The following RBFOX1 variants were observed in gnomAD, a reference collection of about 807,000 sequenced individuals.
RBFOX1 encodes RNA binding protein fox-1 homolog 1.
Under a neutral mutation model 57.7 loss-of-function variants are expected in RBFOX1, and 8 were observed. The observed-to-expected ratio is 0.14, with a 90% CI of 0.08 to 0.25. The LOEUF is 0.25. Among genes scored for constraint, RBFOX1 ranks in the 10% least tolerant of loss-of-function variants. RBFOX1 has a pLI of 1.00. For synonymous variants in RBFOX1, 326 were observed against 222.4 expected, an observed-to-expected ratio of 1.47 and a Z score of -4.15; for missense variants, 611 against 548.5, an observed-to-expected ratio of 1.11 and a Z score of -1.14.
intron 4 of RBFOX1, among the ~76,000 whole-genome samples, chr16:7,153,737 A>AAAAAT (rs1555514609): frequency 1.3e-5 from 2 of 151,282 alleles, no homozygotes; most frequent in African/African-American, 4.9e-5. Flanking sequence ...CAAAAAAAAA[A>AAAAAT]AAAATAAGGA....
intron 1 of RBFOX1, among the ~76,000 whole-genome samples, chr16:6,114,358 G>T (rs1490463853): frequency 5.9e-5 from 9 of 152,170 alleles, no homozygotes. Flanking sequence ...AATATCTCAT[G>T]CGGCATTAAA....
intron 1 of RBFOX1, among the ~76,000 whole-genome samples, chr16:6,295,756 A>G (rs1193319915): frequency 2.6e-5 from 4 of 152,170 alleles, no homozygotes; most frequent in Admixed American, 1.3e-4. Flanking sequence ...GACAGGGGCA[A>G]TGGCTCAGGA....
At chr16:6,532,385 C>G (rs562645658) in intron 2 of RBFOX1, among the ~76,000 whole-genome samples, 2 of 152,102 alleles carry the variant, frequency 1.3e-5, no homozygotes, top group African/African-American at 4.8e-5. Context: ...TCAGAGCTGC[C>G]CTAGGCTGTA....
At chr16:6,740,618 A>T (rs8061698) in intron 3 of RBFOX1, among the ~76,000 whole-genome samples, 1 of 152,072 alleles carries the variant, frequency 6.6e-6, no homozygotes, top group Admixed American at 6.5e-5. Flanking sequence ...GCAACTTAAA[A>T]TACAATACAA....
intron 3 of RBFOX1, among the ~76,000 whole-genome samples, chr16:5,785,073 G>C (rs983157580): frequency 1.2e-4 from 19 of 152,168 alleles, no homozygotes; most frequent in African/African-American, 4.6e-4. Flanking sequence ...GTAGATAGTG[G>C]TGTCACACAT....
intron 2 of RBFOX1, among the ~76,000 whole-genome samples, chr16:5,469,922 A>G (rs2151617743): frequency 6.6e-6 from 1 of 152,272 alleles, no homozygotes; most frequent in East Asian, 1.9e-4. Flanking sequence ...GGTTGTGTCT[A>G]CCTTTTGTCT....
chr16:5,601,406 A>G (rs1695799225), downstream of RBFOX1: 2 of 152,386 alleles, frequency 1.3e-5, no homozygotes, highest in South Asian at 4.1e-4. Flanking sequence ...AGTAGAAGCC[A>G]CATGGGAGGA....
At chr16:6,126,534 G>A (rs2096590991) in intron 1 of RBFOX1, among the ~76,000 whole-genome samples, 1 of 152,132 alleles carries the variant, frequency 6.6e-6, no homozygotes. Flanking sequence ...CATAGTACAT[G>A]GTAAAGTCAA....
At chr16:7,414,164 C>G (rs1010351000) in intron 4 of RBFOX1, among the ~76,000 whole-genome samples, 1 of 152,324 alleles carries the variant, frequency 6.6e-6, no homozygotes, top group East Asian at 1.9e-4. Context: ...ACTTAGTTAT[C>G]CAACAAGTGT....
intron 4 of RBFOX1, among the ~76,000 whole-genome samples, chr16:5,885,973 C>T (rs1472168378): frequency 6.6e-6 from 1 of 152,094 alleles, no homozygotes; most frequent in African/African-American, 2.4e-5. Flanking sequence ...TTCTCTGTTG[C>T]CACTCTCATG....
chr16:6,837,036 A>G (rs550203069), intron 3 of RBFOX1, among the ~76,000 whole-genome samples: 1 of 152,312 alleles, frequency 6.6e-6, no homozygotes, highest in Admixed American at 6.5e-5. Context: ...CGGCTTTTAC[A>G]GTAAGCCCAG....
In RBFOX1 at chr16:7,356,159, C is replaced by G. The variant is rs969615379; in HGVS notation, c.28-161988C>G. Among the ~76,000 whole-genome samples the G allele has an allele frequency of 2.6e-5, 4 of 152,308 alleles. No homozygotes were observed. The South Asian group carries it at 6.2e-4, about 24-fold the overall frequency. ...ATCCAATCCTTTATTCATCACGTAA[C>G]TATCAGGCATTGATTCCATGCTAGG... On this transcript the variant is annotated intron_variant, in intron 4 of 15. Coordinates refer to ENST00000550418, the MANE Select transcript of RBFOX1 (RefSeq NM_018723.4).
intron 1 of RBFOX1, among the ~76,000 whole-genome samples, chr16:6,228,720 A>C (rs1156937765): frequency 1.3e-5 from 2 of 152,158 alleles, no homozygotes; most frequent in Non-Finnish European, 2.9e-5. Context: ...GAGTAAGTTC[A>C]AGAGATCTAT....
At chr16:6,524,046 T>G (rs2096545002) in intron 2 of RBFOX1, among the ~76,000 whole-genome samples, 1 of 152,146 alleles carries the variant, frequency 6.6e-6, no homozygotes, top group African/African-American at 2.4e-5. Flanking sequence ...TACAGGTAAG[T>G]TATTATTGAG....
chr16:5,274,200 G>C (rs567915354), intron 1 of RBFOX1, among the ~76,000 whole-genome samples: 5 of 152,268 alleles, frequency 3.3e-5, no homozygotes, highest in South Asian at 4.2e-4. Flanking sequence ...ACCCACAGAA[G>C]AAGAAGGTTC....
intron 1 of RBFOX1, among the ~76,000 whole-genome samples, chr16:6,192,351 C>G (rs2097147259): frequency 6.6e-6 from 1 of 152,066 alleles, no homozygotes; most frequent in South Asian, 2.1e-4. Flanking sequence ...GGCATTTTGT[C>G]TTCTGAAGGA....
At chr16:5,484,588 G>C (rs138340620) in intron 2 of RBFOX1, among the ~76,000 whole-genome samples, 1 of 152,106 alleles carries the variant, frequency 6.6e-6, no homozygotes, top group Non-Finnish European at 1.5e-5. Flanking sequence ...GGCCAGCCTA[G>C]GCAACATAGC....
At chr16:5,555,877 C>A (rs571905583) in intron 2 of RBFOX1, among the ~76,000 whole-genome samples, 3 of 152,000 alleles carry the variant, frequency 2.0e-5, no homozygotes, top group African/African-American at 7.2e-5. Flanking sequence ...CAAAATTAGC[C>A]GGTCGTGGTG....
chr16:6,328,416 C>T (rs559952805), intron 2 of RBFOX1, among the ~76,000 whole-genome samples: 1 of 152,106 alleles, frequency 6.6e-6, no homozygotes, highest in East Asian at 1.9e-4. Flanking sequence ...CCTGTTCCCC[C>T]CAAAAACCGA....
Sources: allele counts gnomAD v4.1 joint callset (sites outside exome capture counted in the v4.1 genomes callset), GRCh38; gene constraint gnomAD v4.1.1; transcripts MANE v1.5; gene names NCBI Gene and HGNC (gene_info 2026-07-23, HGNC 2026-07-21).